The following SPNS2 variants were observed in gnomAD, a reference collection of about 807,000 sequenced individuals.
The protein encoded by SPNS2 is SPNS lysolipid transporter 2, sphingosine-1-phosphate.
Under a neutral mutation model 57.6 loss-of-function variants are expected in SPNS2, and 37 were observed. That is an observed-to-expected ratio of 0.64 (90% CI 0.49 to 0.85). SPNS2 has a LOEUF of 0.85. Among genes scored for constraint, SPNS2 ranks in the 40% least tolerant of loss-of-function variants. The pLI, the probability that SPNS2 is intolerant of heterozygous loss-of-function variation, is 0.00. For synonymous variants in SPNS2, 440 were observed against 346.9 expected, an observed-to-expected ratio of 1.27 and a Z score of -2.98; for missense variants, 831 against 779.1, an observed-to-expected ratio of 1.07 and a Z score of -0.79.
intron 3 of SPNS2, among the ~76,000 whole-genome samples, chr17:4,526,170 C>T (rs150175729): frequency 1.6e-4 from 24 of 152,270 alleles, no homozygotes; most frequent in Admixed American, 5.9e-4. Flanking sequence ...TCTTGAAATC[C>T]GTGGGGTCAG....
At chr17:4,525,015 G>T (rs756488080) in intron 2 of SPNS2, 42 bp from the exon 3 acceptor site, 7 of 1,599,148 alleles carry the variant, frequency 4.4e-6, no homozygotes, top group Non-Finnish European at 8.6e-7. Context: ...AGGCCGGGGC[G>T]CAGGGACCTG....
intron 2 of SPNS2, among the ~76,000 whole-genome samples, chr17:4,517,040 G>A (rs937716437): frequency 7.2e-5 from 11 of 152,190 alleles, no homozygotes; most frequent in Admixed American, 3.9e-4. Context: ...CTCAGTTTCC[G>A]GGCCTGGGGT....
chr17:4,532,826 C>A (rs931181150), intron 6 of SPNS2, 142 bp downstream of exon 6: 3 of 1,455,456 alleles, frequency 2.1e-6, no homozygotes, highest in African/African-American at 2.8e-5. Flanking sequence ...CATTTTGGCC[C>A]CAGAATCGAT....
intron 1 of SPNS2, among the ~76,000 whole-genome samples, chr17:4,507,997 CCT>C (rs1204796597): frequency 6.6e-6 from 1 of 152,132 alleles, no homozygotes; most frequent in Non-Finnish European, 1.5e-5. Flanking sequence ...GGGCTTGACT[CCT>C]CTCGGGGCTA....
At chr17:4,532,791 T>C (rs1597369579) in intron 6 of SPNS2, 107 bp downstream of exon 6, 6 of 1,464,870 alleles carry the variant, frequency 4.1e-6, no homozygotes, top group Non-Finnish European at 5.5e-6. Context: ...ACACCCCACC[T>C]CTGCTGTCTC....
Position 4,525,102 on chromosome 17 carries a change from TG to T in SPNS2, c.485del (p.Gly162AlafsTer8). 2 of 1,614,236 alleles carry T rather than the reference TG, an allele frequency of 1.2e-6. No individual in the cohort carries two copies. Among genetic ancestry groups the T allele is most frequent in the Non-Finnish European group, 1.7e-6 (2 of 1,180,034 alleles). On this transcript the variant is annotated frameshift_variant, in exon 3 of 13. Coordinates refer to ENST00000329078, the MANE Select transcript of SPNS2 (RefSeq NM_001124758.3). LOFTEE classifies it high-confidence loss of function. Reference sequence around the variant, plus strand: ...GTGGCTGCCCCCATCTTCGGCTACCTGGGCGACCGCTTCAACAGGAAGGTGA... The same window carrying T: ...GTGGCTGCCCCCATCTTCGGCTACCTGGCGACCGCTTCAACAGGAAGGTGA... The part of the protein sequence containing the change: ...FMVAAPIFGY[L>X]GDRFNRKVIL...
intron 1 of SPNS2, among the ~76,000 whole-genome samples, chr17:4,505,578 A>G (rs926103969): frequency 8.5e-5 from 13 of 152,216 alleles, no homozygotes; most frequent in African/African-American, 2.7e-4. Context: ...TCTACATTCA[A>G]GAGGGCACAG....
Position 4,499,578 on chromosome 17 carries a change from G to C in SPNS2, c.370+161G>C, listed in dbSNP as rs1597356118. ...TCTGCTCAGGCACAACTGGGCAAGG[G>C]ATGCCTCCGTGCACCACGGGTACAA... On this transcript the variant is annotated intron_variant, in intron 1 of 12. Transcript: ENST00000329078. The surrounding 1 kb of genome is among the most constrained non-coding windows in gnomAD (Gnocchi z 5.2). 3.1e-5 allele frequency: 14 copies of C among 449,614 alleles called. No individual in the cohort carries two copies. The South Asian group carries it at 7.7e-4, about 25-fold the overall frequency. The allele number at this position is 449,614 out of a possible 1,614,324, so 27.9% of individuals were successfully genotyped here. A position where few individuals can be genotyped will look rare whatever the true frequency, so the allele number is the denominator to read the frequency against.
At chr17:4,524,276 G>A (rs1037600618) in intron 2 of SPNS2, among the ~76,000 whole-genome samples, 5 of 152,266 alleles carry the variant, frequency 3.3e-5, no homozygotes, top group African/African-American at 9.6e-5. Flanking sequence ...ATCCCCACTG[G>A]AACATTTACT....
chr17:4,536,193 G>A lies in SPNS2; in HGVS notation c.1443+19G>A, dbSNP rs761484097. On this transcript the variant is annotated intron_variant, in intron 10 of 12. Coordinates refer to ENST00000329078, the MANE Select transcript of SPNS2 (RefSeq NM_001124758.3). ...TGGCTTTGTGAGTAGCCCCGGGGTGGGGCTGGCCAGGGCAGGCTGGGGGAC... is the reference window on the plus strand; with the variant it reads ...TGGCTTTGTGAGTAGCCCCGGGGTGAGGCTGGCCAGGGCAGGCTGGGGGAC... 44 of 1,608,692 alleles carry A rather than the reference G, an allele frequency of 2.7e-5. No individual in the cohort carries two copies. The Admixed American group carries it at 7.4e-4, about 27-fold the overall frequency.
intron 1 of SPNS2, among the ~76,000 whole-genome samples, chr17:4,502,794 TTTG>T (rs1450844043): frequency 4.6e-5 from 7 of 152,144 alleles, no homozygotes; most frequent in Non-Finnish European, 5.9e-5. Flanking sequence ...TCCTGGGATT[TTTG>T]TTGTTGTTGT....
Position 4,533,800 on chromosome 17 carries a change from G to A in SPNS2, c.1291G>A (p.Val431Ile), listed in dbSNP as rs200461572. ...SIVGAYICIF[V>I]GETLLFSNWA... ...TTCTCCCCGGCAGATCTGTATCTTC[G>A]TCGGGGAGACGCTGCTGTTTTCTAA... Residue 431 changes from valine to isoleucine, a missense_variant, in exon 9 of 13, where the codon GTC becomes ATC. Physicochemically the swap from Val to Ile is conservative, Grantham distance 29 (BLOSUM62 3). Coordinates refer to ENST00000329078, the MANE Select transcript of SPNS2 (RefSeq NM_001124758.3). The A allele has an allele frequency of 1.4e-3, 2,251 of 1,613,776 alleles. 3 individuals carry two copies. The highest frequency in any genetic ancestry group is 1.8e-3 in the Non-Finnish European group (2,070 of 1,180,036).
intron 11 of SPNS2, 183 bp from the exon 12 acceptor site, chr17:4,536,717 T>C: frequency 1.6e-6 from 1 of 640,672 alleles, no homozygotes; most frequent in East Asian, 2.8e-5. Context: ...CTTTCTCCTT[T>C]CCTCTTTACT....
chr17:4,531,341 C>CG (rs200708427), intron 5 of SPNS2, among the ~76,000 whole-genome samples: 1,973 of 152,348 alleles, frequency 0.013, 38 homozygotes, highest in African/African-American at 0.046. Flanking sequence ...CCGCCGCCCT[C>CG]GGGGCCCCCA....
At chr17:4,518,740 T>C (rs1905062927) in intron 2 of SPNS2, among the ~76,000 whole-genome samples, 1 of 152,092 alleles carries the variant, frequency 6.6e-6, no homozygotes, top group Non-Finnish European at 1.5e-5. Context: ...TGCCTCTGTT[T>C]TGGGGGTAAG....
chr17:4,515,276 C>T (rs1048820201), intron 2 of SPNS2, among the ~76,000 whole-genome samples: 1 of 152,178 alleles, frequency 6.6e-6, no homozygotes, highest in Non-Finnish European at 1.5e-5. Flanking sequence ...TCCAGTAACC[C>T]TACGGGCTCT....
At chr17:4,534,703 C>T (rs968727567) in intron 9 of SPNS2, among the ~76,000 whole-genome samples, 3 of 152,246 alleles carry the variant, frequency 2.0e-5, no homozygotes, top group Admixed American at 6.5e-5. Flanking sequence ...TGTGTCCTCC[C>T]GAGTCCATGG....
rs116163914 is a variant in SPNS2 at position 4,508,118 on chromosome 17, C to T, written c.371-5129C>T. On this transcript the variant is annotated intron_variant, in intron 1 of 12. Coordinates refer to ENST00000329078, the MANE Select transcript of SPNS2 (RefSeq NM_001124758.3). The stretch of plus-strand genomic sequence containing the variant: ...CTGGGGGTGCCCTTGAGGTTACAGG[C>T]ACCACTTCACCAAGAGCCTCAGAGG... Among the ~76,000 whole-genome samples the T allele has an allele frequency of 7.6e-3, 1,150 of 152,288 alleles. 19 individuals are homozygous for T. Among genetic ancestry groups the T allele is most frequent in the African/African-American group, 0.026 (1,095 of 41,554 alleles).
At chr17:4,531,902 C>T (rs1039603791) in intron 5 of SPNS2, among the ~76,000 whole-genome samples, 9 of 152,098 alleles carry the variant, frequency 5.9e-5, no homozygotes, top group East Asian at 3.9e-4. Flanking sequence ...CAAAAGGGCT[C>T]GGGAGCCTCT....
Sources: gnomAD v4.1 joint callset for allele counts (sites outside exome capture counted in the v4.1 genomes callset) on GRCh38, gnomAD v4.1.1 for gene constraint, Gnocchi (gnomAD v3.1) non-coding constraint, MANE v1.5 for transcripts, NCBI Gene and HGNC (gene_info 2026-07-23, HGNC 2026-07-21) for gene names.